Variants in TAFA5 observed in about 807,000 individuals in gnomAD.
The protein encoded by TAFA5 is TAFA chemokine like family member 5.
Under a neutral mutation model 15.3 loss-of-function variants are expected in TAFA5, and 6 were observed. The ratio of observed to expected loss-of-function variants is 0.39; its 90% CI spans 0.21 to 0.77. TAFA5 has a LOEUF of 0.77. Among genes scored for constraint, TAFA5 ranks in the 30% least tolerant of loss-of-function variants. The pLI is 0.41. For synonymous variants in TAFA5, 103 were observed against 80.7 expected, an observed-to-expected ratio of 1.28 and a Z score of -1.48; for missense variants, 161 against 193.1, an observed-to-expected ratio of 0.83 and a Z score of 0.98.
At chr22:48,730,867 C>G (rs1033765738) in intron 3 of TAFA5, among the ~76,000 whole-genome samples, 1 of 152,036 alleles carries the variant, frequency 6.6e-6, no homozygotes. Context: ...AATTAATAAC[C>G]CTACAGTGGC....
chr22:48,502,930 C>T (rs149389400), intron 1 of TAFA5, among the ~76,000 whole-genome samples: 31 of 152,308 alleles, frequency 2.0e-4, no homozygotes, highest in African/African-American at 5.8e-4. Flanking sequence ...TAGCTAAATA[C>T]CACCAACGGG....
intron 1 of TAFA5, among the ~76,000 whole-genome samples, chr22:48,585,867 A>G (rs1045728799): frequency 6.6e-6 from 1 of 152,242 alleles, no homozygotes; most frequent in African/African-American, 2.4e-5. Context: ...ACACACAAAC[A>G]TACACCACAT....
chr22:48,674,251 C>T (rs893162779), intron 2 of TAFA5, among the ~76,000 whole-genome samples: 4 of 152,148 alleles, frequency 2.6e-5, no homozygotes, highest in African/African-American at 4.8e-5. Flanking sequence ...TACAGTGAGA[C>T]GGTATGTCAC....
chr22:48,586,854 G>A (rs1463100809), intron 1 of TAFA5, among the ~76,000 whole-genome samples: 1 of 152,250 alleles, frequency 6.6e-6, no homozygotes, highest in Non-Finnish European at 1.5e-5. Flanking sequence ...CAGGAGGCAG[G>A]GAGGGAGGCC....
At chr22:48,705,504 CGTG>C (rs1374272407) in intron 2 of TAFA5, among the ~76,000 whole-genome samples, 1 of 152,230 alleles carries the variant, frequency 6.6e-6, no homozygotes, top group Non-Finnish European at 1.5e-5. Flanking sequence ...CCTGTGCCCT[CGTG>C]GGGTGAGGAG....
At chr22:48,698,608 C>T (rs903384901) in intron 2 of TAFA5, among the ~76,000 whole-genome samples, 5 of 151,402 alleles carry the variant, frequency 3.3e-5, no homozygotes, top group Admixed American at 2.0e-4. Flanking sequence ...CCTCAGGTGT[C>T]GTCTTGAACA....
chr22:48,671,622 G>A (rs1261435518), intron 2 of TAFA5, among the ~76,000 whole-genome samples: 1 of 152,142 alleles, frequency 6.6e-6, no homozygotes, highest in Non-Finnish European at 1.5e-5. Context: ...GCGAGCCTGA[G>A]TTTAAACCAG....
intron 2 of TAFA5, among the ~76,000 whole-genome samples, chr22:48,691,615 T>A (rs1344828592): frequency 6.6e-6 from 1 of 152,198 alleles, no homozygotes; most frequent in Non-Finnish European, 1.5e-5. Context: ...AGCAGGCTCT[T>A]CTTCTGCCCC....
chr22:48,627,052 T>A (rs1243485128), intron 1 of TAFA5, among the ~76,000 whole-genome samples: 3 of 152,228 alleles, frequency 2.0e-5, no homozygotes, highest in Non-Finnish European at 4.4e-5. Flanking sequence ...CAGCCCCTCC[T>A]GGTGATCCTG....
At chr22:48,622,463 G>A (rs1274976279) in intron 1 of TAFA5, among the ~76,000 whole-genome samples, 5 of 152,224 alleles carry the variant, frequency 3.3e-5, no homozygotes, top group Non-Finnish European at 4.4e-5. Context: ...ACTACAGCAC[G>A]GGGCGCTGGG....
intron 1 of TAFA5, among the ~76,000 whole-genome samples, chr22:48,584,361 C>G (rs146670844): frequency 2.9e-4 from 43 of 148,322 alleles, no homozygotes; most frequent in African/African-American, 1.0e-3. Context: ...ACACCGTGCA[C>G]CACACACAGT....
chr22:48,506,335 G>A (rs1368251263), intron 1 of TAFA5, among the ~76,000 whole-genome samples: 1 of 152,370 alleles, frequency 6.6e-6, no homozygotes, highest in East Asian at 1.9e-4. Flanking sequence ...CCTTCCTGCA[G>A]CCTTGTGCTC....
chr22:48,542,154 TG>T (rs398121894), intron 1 of TAFA5, among the ~76,000 whole-genome samples: 8 of 104,752 alleles, frequency 7.6e-5, no homozygotes, highest in Middle Eastern at 6.5e-3. Flanking sequence ...TGTGTGGGTG[TG>T]GGGGGTGTGT....
At position 48,721,750 on chromosome 22, in the gene TAFA5, C is replaced by T. The variant is rs372527717; in HGVS notation, c.390+13906C>T. Among the ~76,000 whole-genome samples the T allele has an allele frequency of 5.7e-3, 875 of 152,246 alleles. 8 individuals are homozygous for T. The highest frequency in any genetic ancestry group is 0.02 in the African/African-American group (840 of 41,540). ...TTTGGGAGGCCAAGCAGGCAGATCACTTGAAGTCAGGGGTTCGAAACCAGC... is the reference window on the plus strand; with the variant it reads ...TTTGGGAGGCCAAGCAGGCAGATCATTTGAAGTCAGGGGTTCGAAACCAGC... On this transcript the variant is annotated intron_variant, in intron 3 of 3. Coordinates refer to ENST00000402357, the MANE Select transcript of TAFA5 (RefSeq NM_001082967.3).
chr22:48,548,999 C>T (rs1277869040), intron 1 of TAFA5, among the ~76,000 whole-genome samples: 1 of 152,182 alleles, frequency 6.6e-6, no homozygotes, highest in Non-Finnish European at 1.5e-5. Context: ...TTCTTTATAG[C>T]GATCAGATTG....
intron 1 of TAFA5, among the ~76,000 whole-genome samples, chr22:48,610,016 A>G (rs1274757671): frequency 6.6e-6 from 1 of 152,204 alleles, no homozygotes; most frequent in Non-Finnish European, 1.5e-5. Context: ...AAAGAAGGTG[A>G]CAGTTACAGG....
At chr22:48,660,080 C>T (rs1927382438) in intron 2 of TAFA5, among the ~76,000 whole-genome samples, 1 of 151,798 alleles carries the variant, frequency 6.6e-6, no homozygotes, top group Admixed American at 6.6e-5. Context: ...TCTTCAGGTT[C>T]CCAGACTCCA....
chr22:48,583,982 A>G (rs963930249), intron 1 of TAFA5, among the ~76,000 whole-genome samples: 2 of 144,580 alleles, frequency 1.4e-5, no homozygotes, highest in African/African-American at 5.2e-5. Flanking sequence ...CACACACACC[A>G]TATACACCTA....
chr22:48,729,541 C>T (rs965598362), intron 3 of TAFA5, among the ~76,000 whole-genome samples: 4 of 147,884 alleles, frequency 2.7e-5, no homozygotes, highest in Non-Finnish European at 4.5e-5. Flanking sequence ...CCTCTTACAC[C>T]AGTCAGTCAA....
Sources: gnomAD v4.1 joint callset for allele counts (sites outside exome capture counted in the v4.1 genomes callset) on GRCh38, gnomAD v4.1.1 for gene constraint, MANE v1.5 for transcripts, NCBI Gene and HGNC (gene_info 2026-07-23, HGNC 2026-07-21) for gene names.